TNS1: variants seen among roughly 807,000 people sequenced by gnomAD.
TNS1 encodes the protein tensin-1.
In TNS1, 62 loss-of-function variants were observed where a neutral mutation model predicts 168.6. The observed-to-expected ratio is 0.37, with a 90% CI of 0.30 to 0.45. TNS1 has a LOEUF of 0.45. Ranked by LOEUF, TNS1 falls within the 20% of genes least tolerant of loss-of-function variation. The pLI, the probability that TNS1 is intolerant of heterozygous loss-of-function variation, is 1.00. For missense variants in TNS1, 2,240 were observed against 2,339.4 expected (o/e 0.96, Z 0.88); for synonymous variants, 934 against 933.2 (o/e 1.00, Z -0.02).
chr2:218,020,599 T>C (rs1958798993), intron 1 of TNS1, among the ~76,000 whole-genome samples: 1 of 151,274 alleles, frequency 6.6e-6, no homozygotes, highest in Admixed American at 6.6e-5. Context: ...AGGGTAAACA[T>C]GATCCTAAAA....
Position 217,810,304 on chromosome 2 carries a change from G to A in TNS1, c.5048C>T (p.Ser1683Leu), listed in dbSNP as rs753948729. The A allele has an allele frequency of 1.9e-5, 31 of 1,614,018 alleles. No individual in the cohort carries two copies. Among genetic ancestry groups the A allele is most frequent in the South Asian group, 1.3e-4 (12 of 91,072 alleles). The change falls in exon 29 of 33, where the codon TCG becomes TTG. Residue 1683 changes from serine (S) to leucine (L), a missense_variant. Transcript: ENST00000682258. ...GTTGGCAGGGCCGGAGCTATCTTTC[G>A]ATTCATCTGTGGGGTCTAAGACAAA... ...VIPNRDPTDE[S>L]KDSSGPANST...
chr2:217,903,424 T>C (rs985271310), intron 6 of TNS1, among the ~76,000 whole-genome samples: 1 of 152,156 alleles, frequency 6.6e-6, no homozygotes, highest in Non-Finnish European at 1.5e-5. Flanking sequence ...ACAAACCTTA[T>C]AAAAAGGAAA....
At chr2:217,914,213 G>A (rs568129913) in intron 4 of TNS1, among the ~76,000 whole-genome samples, 3 of 152,212 alleles carry the variant, frequency 2.0e-5, no homozygotes, top group Non-Finnish European at 4.4e-5. Context: ...AAACCCCAGA[G>A]TCAGGCACTA....
chr2:217,999,325 C>G (rs1304141105), intron 1 of TNS1, among the ~76,000 whole-genome samples: 2 of 152,194 alleles, frequency 1.3e-5, no homozygotes, highest in Non-Finnish European at 2.9e-5. Context: ...AGACACTTTT[C>G]TAAATGTATG....
In TNS1 at chr2:217,892,875, G is replaced by A. The variant is rs914469895; in HGVS notation, c.782+73C>T. 1.2e-5 allele frequency: 18 copies of A among 1,505,890 alleles called. No individual in the cohort carries two copies. In the African/African-American group the frequency reaches 1.8e-4, roughly 15 times the overall value. The allele number at this position is 1,505,890 out of a possible 1,614,324, so 93.3% of individuals were successfully genotyped here. A position where few individuals can be genotyped will look rare whatever the true frequency, so the allele number is the denominator to read the frequency against. ...TCCCCTCACTCCAGGGAGCAGAGAG[G>A]CTGTGGGTGGATGAGAGGAGGGGGG... On this transcript the variant is annotated intron_variant, in intron 11 of 32. Transcript: ENST00000682258.
intron 1 of TNS1, among the ~76,000 whole-genome samples, chr2:218,026,493 C>T (rs993433495): frequency 2.6e-5 from 4 of 152,104 alleles, no homozygotes; most frequent in Non-Finnish European, 4.4e-5. Flanking sequence ...CTGCTCTGGG[C>T]CCGAGAATCC....
intron 12 of TNS1, 123 bp from the exon 13 acceptor site, chr2:217,886,769 C>T: frequency 1.3e-6 from 1 of 743,550 alleles, no homozygotes; most frequent in Admixed American, 2.2e-5. Flanking sequence ...CCCCAACCAA[C>T]ATGGTCCCCC....
chr2:217,891,969 A>G (rs901463880), intron 11 of TNS1, among the ~76,000 whole-genome samples: 5 of 152,144 alleles, frequency 3.3e-5, no homozygotes, highest in Admixed American at 2.6e-4. Context: ...CTCTTTCACG[A>G]TAATTATCAC....
chr2:217,859,852 T>A (rs1450634968), intron 18 of TNS1, among the ~76,000 whole-genome samples: 1 of 152,118 alleles, frequency 6.6e-6, no homozygotes. Context: ...CCCTGGAAAG[T>A]GCCAGGAGTC....
chr2:217,850,461 A>G, intron 18 of TNS1: 1 of 985,224 alleles, frequency 1.0e-6, no homozygotes, highest in Non-Finnish European at 1.2e-6. Flanking sequence ...TGGAAGGAAA[A>G]AGTGAGCGCT....
chr2:218,024,094 A>G (rs1158995784), intron 1 of TNS1, among the ~76,000 whole-genome samples: 1 of 152,194 alleles, frequency 6.6e-6, no homozygotes, highest in East Asian at 1.9e-4. Context: ...TAGTCTGCCC[A>G]TTCTACAGGT....
intron 18 of TNS1, among the ~76,000 whole-genome samples, chr2:217,873,365 C>T (rs903111012): frequency 1.3e-5 from 2 of 151,140 alleles, no homozygotes; most frequent in African/African-American, 4.9e-5. Flanking sequence ...TGGCAGGTCC[C>T]ACCTTTCTAG....
chr2:217,927,329 G>A (rs899847346), intron 3 of TNS1, among the ~76,000 whole-genome samples: 10 of 152,196 alleles, frequency 6.6e-5, no homozygotes, highest in African/African-American at 2.4e-4. Context: ...ATTGAAGCAG[G>A]CATTGGAAGG....
intron 3 of TNS1, among the ~76,000 whole-genome samples, chr2:217,961,094 C>T (rs756371764): frequency 1.3e-5 from 2 of 152,078 alleles, no homozygotes; most frequent in Non-Finnish European, 2.9e-5. Flanking sequence ...AAGCCACATA[C>T]TCCCTCTCCT....
At chr2:218,016,188 C>G (rs1574481931) in intron 1 of TNS1, among the ~76,000 whole-genome samples, 2 of 152,124 alleles carry the variant, frequency 1.3e-5, no homozygotes, top group African/African-American at 4.8e-5. Context: ...AGCCCACTGG[C>G]CAGTCTGCTC....
chr2:217,849,518 G>T (rs747450626), intron 18 of TNS1, among the ~76,000 whole-genome samples: 4 of 152,228 alleles, frequency 2.6e-5, no homozygotes, highest in African/African-American at 4.8e-5. Context: ...GAGTTTAAAT[G>T]AGTTGACACA....
chr2:217,843,133 T>TA (rs111489141), intron 19 of TNS1, among the ~76,000 whole-genome samples: 56,773 of 144,926 alleles, frequency 0.39, 10,947 homozygotes, highest in African/African-American at 0.48. Context: ...GAACAAAATG[T>TA]AAAAAAAAAA....
chr2:217,906,514 G>A, intron 5 of TNS1, 129 bp from the exon 6 acceptor site: 1 of 647,828 alleles, frequency 1.5e-6, no homozygotes, highest in South Asian at 1.8e-5. Flanking sequence ...TTTGGTCTTT[G>A]TTTCACATTT....
chr2:217,929,380 G>T (rs1956196435), intron 3 of TNS1, among the ~76,000 whole-genome samples: 1 of 152,198 alleles, frequency 6.6e-6, no homozygotes, highest in Non-Finnish European at 1.5e-5. Flanking sequence ...GATGAGCAGG[G>T]GGGTCAGAGA....
Sources: gnomAD v4.1 joint callset for allele counts (sites outside exome capture counted in the v4.1 genomes callset) on GRCh38, gnomAD v4.1.1 for gene constraint, MANE v1.5 for transcripts, NCBI Gene and HGNC (gene_info 2026-07-23, HGNC 2026-07-21) for gene names.